CHKA: variants seen among roughly 807,000 people sequenced by gnomAD.
CHKA encodes choline kinase alpha, also known as CHETK-alpha.
In CHKA, 34 loss-of-function variants were observed where a neutral mutation model predicts 60.1. That is an observed-to-expected ratio of 0.57 (90% CI 0.43 to 0.75). The LOEUF is 0.75. Among genes scored for constraint, CHKA ranks in the 30% least tolerant of loss-of-function variants. The pLI is 0.00. For synonymous variants in CHKA, 217 were observed against 223.1 expected (o/e 0.97, Z 0.24); for missense variants, 563 against 561.3 (o/e 1.00, Z -0.03).
chr11:68,091,373 C>A (rs1227981771), intron 2 of CHKA, among the ~76,000 whole-genome samples: 1 of 152,062 alleles, frequency 6.6e-6, no homozygotes. Context: ...AAGATCAGAC[C>A]AATATTTTTA....
chr11:68,081,696 T>C (rs926742011), intron 2 of CHKA: 23 of 430,552 alleles, frequency 5.3e-5, no homozygotes, highest in African/African-American at 8.0e-5. Context: ...TGAGACCCGA[T>C]AGCTGCACGT....
intron 1 of CHKA, among the ~76,000 whole-genome samples, chr11:68,101,270 T>G (rs1291488048): frequency 6.6e-6 from 1 of 152,098 alleles, no homozygotes; most frequent in Non-Finnish European, 1.5e-5. Context: ...TTACATAAAT[T>G]GTTGAGCAAA....
intron 1 of CHKA, among the ~76,000 whole-genome samples, chr11:68,108,549 C>G (rs1431284995): frequency 6.6e-6 from 1 of 152,188 alleles, no homozygotes; most frequent in Non-Finnish European, 1.5e-5. Context: ...TCGAGACCAT[C>G]CTGGCTAACA....
At chr11:68,082,287 C>T (rs1054613214) in intron 2 of CHKA, among the ~76,000 whole-genome samples, 2 of 151,906 alleles carry the variant, frequency 1.3e-5, no homozygotes, top group Non-Finnish European at 2.9e-5. Context: ...ATCCTTCGTA[C>T]TATCTTTAAT....
At chr11:68,061,918 A>AG (rs1346160325) in intron 11 of CHKA, 35 bp downstream of exon 11, 5 of 1,323,098 alleles carry the variant, frequency 3.8e-6, no homozygotes, top group African/African-American at 3.0e-5. Flanking sequence ...GGGAGTAGGA[A>AG]GAAAAAAAAA....
At chr11:68,074,664 G>A in intron 4 of CHKA, 53 bp downstream of exon 4, 1 of 1,488,954 alleles carries the variant, frequency 6.7e-7, no homozygotes, top group Non-Finnish European at 9.4e-7. Flanking sequence ...AGACAAAGAA[G>A]CCATCTTCTG....
intron 11 of CHKA, chr11:68,061,730 A>G (rs780743943): frequency 8.5e-6 from 5 of 585,254 alleles, no homozygotes; most frequent in African/African-American, 1.8e-5. Context: ...AGTGAGGGCA[A>G]CCTCCAAAGG....
chr11:68,054,484 C>T (rs901973683), intron 11 of CHKA, among the ~76,000 whole-genome samples: 3 of 152,128 alleles, frequency 2.0e-5, no homozygotes, highest in African/African-American at 7.2e-5. Context: ...GCCTATTTCC[C>T]GGGATCTCCT....
Position 68,081,456 on chromosome 11 carries a change from C to T in CHKA, c.464G>A (p.Arg155Lys). The change falls in exon 3 of 12, where the codon AGG (arginine) becomes AAG (lysine). Residue 155 changes from arginine (R) to lysine (K), a missense_variant and splice_region_variant. Coordinates refer to ENST00000265689, the MANE Select transcript of CHKA (RefSeq NM_001277.3). ...TTCGGATCCCTCTTTATTACAGGAC[C>T]TCTATGAATGAGAAAAAGGAAACAC... ...LRLYGAILQM[R>K]SCNKEGSEQA... is the part of the protein sequence containing the mutation. 2.5e-6 allele frequency: 4 copies of T among 1,612,568 alleles called. No homozygotes were observed. Among genetic ancestry groups the T allele is most frequent in the Non-Finnish European group, 3.4e-6 (4 of 1,178,728 alleles).
chr11:68,062,069 A>C, intron 10 of CHKA, 35 bp from the exon 11 acceptor site: 1 of 1,378,348 alleles, frequency 7.3e-7, no homozygotes, highest in South Asian at 1.3e-5. Context: ...TATAAGAGAC[A>C]TACAGTATCA....
At chr11:68,055,469 T>C (rs1855978521) in intron 11 of CHKA, among the ~76,000 whole-genome samples, 1 of 152,208 alleles carries the variant, frequency 6.6e-6, no homozygotes, top group Non-Finnish European at 1.5e-5. Context: ...TCATTTGTTC[T>C]GGAAAAATTC....
At chr11:68,077,243 A>C (rs1381387232) in intron 3 of CHKA, among the ~76,000 whole-genome samples, 2 of 152,228 alleles carry the variant, frequency 1.3e-5, no homozygotes, top group Non-Finnish European at 2.9e-5. Flanking sequence ...CTGTCTCAAA[A>C]GAAAAGAAAA....
intron 11 of CHKA, among the ~76,000 whole-genome samples, chr11:68,059,443 A>G (rs1289554344): frequency 2.6e-5 from 4 of 152,178 alleles, no homozygotes; most frequent in East Asian, 1.9e-4. Context: ...TTATCCTTTT[A>G]CATATGTTAG....
At chr11:68,117,533 A>G (rs1452375022) in intron 1 of CHKA, among the ~76,000 whole-genome samples, 2 of 152,106 alleles carry the variant, frequency 1.3e-5, no homozygotes, top group East Asian at 1.9e-4. Flanking sequence ...TACCAAAAAT[A>G]CAAAAATTAG....
intron 2 of CHKA, among the ~76,000 whole-genome samples, chr11:68,090,108 G>A (rs1035325469): frequency 6.6e-6 from 1 of 152,108 alleles, no homozygotes; most frequent in African/African-American, 2.4e-5. Flanking sequence ...AGTAGTCTGT[G>A]GTTTATTTGG....
chr11:68,055,840 T>C (rs1213476475), intron 11 of CHKA, among the ~76,000 whole-genome samples: 1 of 150,530 alleles, frequency 6.6e-6, no homozygotes, highest in Non-Finnish European at 1.5e-5. Flanking sequence ...AGGTCAGGAG[T>C]TCGAGACCAG....
chr11:68,055,048 C>T (rs1310648251), intron 11 of CHKA, among the ~76,000 whole-genome samples: 1 of 152,328 alleles, frequency 6.6e-6, no homozygotes, highest in East Asian at 1.9e-4. Flanking sequence ...CTGTCGTATC[C>T]ACACACCTGC....
chr11:68,053,932 G>T lies in CHKA; in HGVS notation c.*56C>A. ...GTAGTCGAAGCACAGAGGGGACCCC[G>T]CTCTGCTGCCTCCCCATGCAGTCCA... On this transcript the variant is annotated 3_prime_UTR_variant, in exon 12 of 12. Transcript: ENST00000265689. 1 of 1,526,132 alleles carries T rather than the reference G, an allele frequency of 6.6e-7. No homozygotes were observed. Among genetic ancestry groups the T allele is most frequent in the Admixed American group, 1.7e-5 (1 of 58,650 alleles). The allele number at this position is 1,526,132 out of a possible 1,614,324, so 94.5% of individuals were successfully genotyped here.
chr11:68,060,848 T>TC (rs1169532746), intron 11 of CHKA, among the ~76,000 whole-genome samples: 2 of 152,144 alleles, frequency 1.3e-5, no homozygotes, highest in Non-Finnish European at 2.9e-5. Context: ...AATGTCCCCT[T>TC]CTTTTACCTA....
Sources: allele counts gnomAD v4.1 joint callset (sites outside exome capture counted in the v4.1 genomes callset), GRCh38; gene constraint gnomAD v4.1.1; transcripts MANE v1.5; gene names NCBI Gene and HGNC (gene_info 2026-07-23, HGNC 2026-07-21).